FAM91A1: variants seen among roughly 807,000 people sequenced by gnomAD.
FAM91A1 encodes family with sequence similarity 91 member A1.
A neutral mutation model predicts 113.5 loss-of-function variants in FAM91A1; 41 were observed. The ratio of observed to expected loss-of-function variants is 0.36; its 90% confidence interval spans 0.28 to 0.47. FAM91A1 has a LOEUF of 0.47. FAM91A1 is among the 20% of genes least tolerant of loss of function. The pLI, the probability that FAM91A1 is intolerant of heterozygous loss-of-function variation, is 1.00. For missense variants in FAM91A1, 696 were observed against 1,001.2 expected (o/e 0.70, Z 4.11); for synonymous variants, 307 against 347.9 (o/e 0.88, Z 1.31).
chr8:123,775,036 G>A (rs934391256), intron 2 of FAM91A1, 111 bp from the exon 3 acceptor site: 1 of 1,029,728 alleles, frequency 9.7e-7, no homozygotes, highest in East Asian at 2.8e-5. Flanking sequence ...TTGTTCTCTT[G>A]TAATTTACAT....
Position 123,784,525 on chromosome 8 carries a change from T to A in FAM91A1, c.759T>A (p.Thr253=), listed in dbSNP as rs751959188. The change falls in exon 9 of 24, where the codon ACT becomes ACA. Residue 253 remains threonine, a synonymous_variant. Coordinates refer to ENST00000334705, the MANE Select transcript of FAM91A1 (RefSeq NM_144963.4). ...MNRVQGDYFE[T]LLYKIFVSID... is the part of the protein sequence containing the mutation. Reference sequence around the variant, plus strand: ...GAGTGCAAGGTGATTATTTTGAAACTCTACTCTATAAGATATTTGTTTCAA... The same window carrying A: ...GAGTGCAAGGTGATTATTTTGAAACACTACTCTATAAGATATTTGTTTCAA... 3.1e-6 allele frequency: 5 copies of A among 1,608,438 alleles called. No homozygotes were observed. The highest frequency in any genetic ancestry group is 3.4e-6 in the Non-Finnish European group (4 of 1,178,050).
Position 123,814,341 on chromosome 8 carries a change from G to T in FAM91A1, c.*1637G>T. ...ACAGTTTTTCAGCTGAAAGTTGTAAGTATTTTTTTTTTTTGATCGGGGCTC... is the reference window on the plus strand; with the variant it reads ...ACAGTTTTTCAGCTGAAAGTTGTAATTATTTTTTTTTTTTGATCGGGGCTC... On this transcript the variant is annotated 3_prime_UTR_variant, in exon 24 of 24. Transcript: ENST00000334705. 4.8e-6 allele frequency: 1 copy of T among 206,450 alleles called. No homozygotes were observed. Among genetic ancestry groups the T allele is most frequent in the Non-Finnish European group, 9.8e-6 (1 of 101,740 alleles). The allele number at this position is 206,450 out of a possible 1,614,324, so 12.8% of individuals were successfully genotyped here.
chr8:123,787,196 T>C (rs1563641150), intron 12 of FAM91A1, 65 bp from the exon 13 acceptor site: 3 of 1,224,812 alleles, frequency 2.4e-6, no homozygotes, highest in Admixed American at 3.8e-5. Context: ...TGAAATACTT[T>C]CACTCCAAAT....
At chr8:123,776,871 T>G (rs546266582) in intron 3 of FAM91A1, among the ~76,000 whole-genome samples, 17 of 152,310 alleles carry the variant, frequency 1.1e-4, no homozygotes, top group African/African-American at 3.8e-4. Context: ...TCTTCATTGG[T>G]AGTGCATGTT....
At chr8:123,775,122 T>A in intron 2 of FAM91A1, 25 bp from the exon 3 acceptor site, 1 of 1,547,842 alleles carries the variant, frequency 6.5e-7, no homozygotes, top group Non-Finnish European at 8.7e-7. Context: ...TGAAAAAAAC[T>A]GGAGAATTTC....
chr8:123,796,868 C>G (rs1003884985), intron 15 of FAM91A1, among the ~76,000 whole-genome samples: 1 of 151,268 alleles, frequency 6.6e-6, no homozygotes, highest in Non-Finnish European at 1.5e-5. Context: ...TCGAGACCAT[C>G]CTGGCCAACA....
At chr8:123,780,983 A>T (rs1815106114) in intron 8 of FAM91A1, among the ~76,000 whole-genome samples, 1 of 152,138 alleles carries the variant, frequency 6.6e-6, no homozygotes, top group African/African-American at 2.4e-5. Flanking sequence ...AAGTTAAACC[A>T]ATATTAGGAG....
At chr8:123,803,919 A>C (rs1257262125) in intron 18 of FAM91A1, among the ~76,000 whole-genome samples, 1 of 152,174 alleles carries the variant, frequency 6.6e-6, no homozygotes, top group Non-Finnish European at 1.5e-5. Flanking sequence ...CTCAGTATTA[A>C]ATTTCTATTG....
At chr8:123,787,013 G>A (rs1815274504) in intron 12 of FAM91A1, among the ~76,000 whole-genome samples, 2 of 152,204 alleles carry the variant, frequency 1.3e-5, no homozygotes, top group African/African-American at 4.8e-5. Context: ...ATTTCAGCCC[G>A]AGAGAATAGT....
rs1370171443 is a variant in FAM91A1 at position 123,768,670 on chromosome 8, GCGGCCCCGGCCGC to G, written c.-26_-14del. ...GGGAGGCGTAGTGTGGGTCGCGGTG[GCGGCCCCGGCCGC>G]CGGCCCTGGCCGCGGCATCATGAAC... On this transcript the variant is annotated 5_prime_UTR_variant, in exon 1 of 24. Transcript: ENST00000334705. 3.9e-6 allele frequency: 6 copies of G among 1,549,510 alleles called. No homozygotes were observed. In the East Asian group the frequency reaches 7.5e-5, roughly 19 times the overall value.
In FAM91A1 at chr8:123,778,724, G is replaced by A. The variant is rs193274439; in HGVS notation, c.501G>A (p.Glu167=). ...LPIKPVEIAI[E]AWWVVQAGYI... ...TAAAGCCAGTGGAAATTGCCATAGA[G>A]GCGTGGTGGGTGGTGCAGGCTGGCT... is the stretch of plus-strand genomic sequence containing the variant. Residue 167 remains glutamate, a synonymous_variant, in exon 6 of 24, where the codon GAG becomes GAA. Coordinates refer to ENST00000334705, the MANE Select transcript of FAM91A1 (RefSeq NM_144963.4). 10 of 1,608,256 alleles carry A rather than the reference G, an allele frequency of 6.2e-6. No individual in the cohort carries two copies. The highest frequency in any genetic ancestry group is 8.5e-6 in the Non-Finnish European group (10 of 1,177,906).
In FAM91A1 at chr8:123,813,515, C is replaced by T. The variant is rs542190195; in HGVS notation, c.*811C>T. ...TTCACCCTGATTTATTTTTTTGTTT[C>T]TTAGCTTTGATGTTTTCAAACCAAG... On this transcript the variant is annotated 3_prime_UTR_variant, in exon 24 of 24. Transcript: ENST00000334705. 1 of 152,440 alleles carries T rather than the reference C, an allele frequency of 6.6e-6. No homozygotes were observed. Among genetic ancestry groups the T allele is most frequent in the African/African-American group, 2.4e-5 (1 of 41,506 alleles). 9.4% of individuals were successfully genotyped at this position (152,440 alleles called of 1,614,324 possible).
chr8:123,811,253 G>C (rs895764284), intron 23 of FAM91A1: 6 of 152,220 alleles, frequency 3.9e-5, no homozygotes, highest in African/African-American at 1.2e-4. Context: ...TTGAAGAAGA[G>C]GGCCGGAGCA....
At chr8:123,808,463 A>G in intron 21 of FAM91A1, 87 bp downstream of exon 21, 1 of 954,050 alleles carries the variant, frequency 1.0e-6, no homozygotes, top group East Asian at 2.7e-5. Flanking sequence ...CCATTTGTCT[A>G]TTCTTATTAT....
rs1241768774 is a variant in FAM91A1, at chr8:123,812,912, A to G, written c.*208A>G. Reference sequence around the variant, plus strand: ...GACAAAGTGCTTTTTAGCAGCCAGCACTGTATTTTTTACCTTGAGACAATC... The same window carrying G: ...GACAAAGTGCTTTTTAGCAGCCAGCGCTGTATTTTTTACCTTGAGACAATC... On this transcript the variant is annotated 3_prime_UTR_variant, in exon 24 of 24. Transcript: ENST00000334705. The G allele has an allele frequency of 4.7e-6, 2 of 424,646 alleles. No individual in the cohort carries two copies. Among genetic ancestry groups the G allele is most frequent in the Non-Finnish European group, 8.3e-6 (2 of 240,046 alleles). 26.3% of individuals were successfully genotyped at this position (424,646 alleles called of 1,614,324 possible).
rs552642376 is a variant in FAM91A1 at position 123,773,308 on chromosome 8, T to G, written c.73-772T>G. Among the ~76,000 whole-genome samples, 8 of 152,362 alleles carry G rather than the reference T, an allele frequency of 5.3e-5. No homozygotes were observed. The South Asian group carries it at 1.4e-3, about 28-fold the overall frequency. On this transcript the variant is annotated intron_variant, in intron 1 of 23. Coordinates refer to ENST00000334705, the MANE Select transcript of FAM91A1 (RefSeq NM_144963.4). ...TCTGATCTTTCTGTCATTACTTTCC[T>G]AAGATGTCTAATTTCACTTTATAGT...
chr8:123,775,335 A>G (rs200807355), intron 3 of FAM91A1, 37 bp downstream of exon 3: 18 of 1,594,098 alleles, frequency 1.1e-5, no homozygotes, highest in Middle Eastern at 1.7e-4. Context: ...TGGGAATGGG[A>G]TGGGACTACA....
intron 15 of FAM91A1, among the ~76,000 whole-genome samples, chr8:123,793,662 AT>A (rs2130114032): frequency 6.6e-6 from 1 of 152,198 alleles, no homozygotes; most frequent in African/African-American, 2.4e-5. Context: ...CTTATTGTGT[AT>A]TTATTCTGCC....
rs968056326 is a variant in FAM91A1 at position 123,795,485 on chromosome 8, A to G, written c.1412-2605A>G. Among the ~76,000 whole-genome samples the G allele has an allele frequency of 4.1e-5, 6 of 145,808 alleles. No individual in the cohort carries two copies. In the East Asian group the frequency reaches 8.2e-4, roughly 20 times the overall value. ...TCTCTCTCTTCCTCCTGCTCCGGCC[A>G]TGTTAAGATGTGCCTGCTTCCCTTT... is the stretch of plus-strand genomic sequence containing the variant. On this transcript the variant is annotated intron_variant, in intron 15 of 23. Coordinates refer to ENST00000334705, the MANE Select transcript of FAM91A1 (RefSeq NM_144963.4).
Sources: allele counts gnomAD v4.1 joint callset (sites outside exome capture counted in the v4.1 genomes callset), GRCh38; gene constraint gnomAD v4.1.1; transcripts MANE v1.5; gene names NCBI Gene and HGNC (gene_info 2026-07-23, HGNC 2026-07-21).